Variants in RBFOX1 observed in about 807,000 individuals in gnomAD.
RBFOX1 encodes RNA binding fox-1 homolog 1, also known as RNA binding protein fox-1 homolog 1.
In RBFOX1, 8 loss-of-function variants were observed where a neutral mutation model predicts 57.7. The observed-to-expected ratio is 0.14, with a 90% CI of 0.08 to 0.25. The LOEUF is 0.25. Ranked by LOEUF, RBFOX1 falls within the 10% of genes least tolerant of loss-of-function variation. The pLI is 1.00. For synonymous variants in RBFOX1, 326 were observed against 222.4 expected (o/e 1.47, Z -4.15); for missense variants, 611 against 548.5 (o/e 1.11, Z -1.14).
chr16:5,569,438 C>CTT (rs796279138), intron 2 of RBFOX1, among the ~76,000 whole-genome samples: 597 of 49,172 alleles, frequency 0.012, 71 homozygotes, highest in Middle Eastern at 0.056. Flanking sequence ...AAGAAGTAAC[C>CTT]TTTTTTTTTT....
At chr16:5,859,201 T>C (rs2057148931) in intron 3 of RBFOX1, among the ~76,000 whole-genome samples, 1 of 152,020 alleles carries the variant, frequency 6.6e-6, no homozygotes, top group African/African-American at 2.4e-5. Context: ...CGAGACTCTG[T>C]CTCACAAACA....
rs1193215857 is a variant in RBFOX1 at position 5,454,919 on chromosome 16, GTTTCTTTC to G, written c.220-12294_220-12287del. On this transcript the variant is annotated intron_variant, in intron 1 of 2. Coordinates refer to the RBFOX1 transcript ENST00000585867. ...CTTTCTTTCTTTCTTTCTTTCCTTT[GTTTCTTTC>G]TTCCTTCCTTCCTTCCTTCCTTCCT... Among the ~76,000 whole-genome samples the G allele has an allele frequency of 5.1e-3, 187 of 36,570 alleles. 2 individuals are homozygous for G. The highest frequency in any genetic ancestry group is 8.4e-3 in the Non-Finnish European group (145 of 17,364). 24.0% of individuals were successfully genotyped at this position (36,570 alleles called of 152,430 possible).
intron 4 of RBFOX1, among the ~76,000 whole-genome samples, chr16:5,941,119 C>G (rs943188537): frequency 1.3e-5 from 2 of 151,958 alleles, no homozygotes; most frequent in Non-Finnish European, 2.9e-5. Flanking sequence ...AGTTTAATAG[C>G]TTAAATTAAC....
intron 3 of RBFOX1, among the ~76,000 whole-genome samples, chr16:6,799,576 G>A (rs940704817): frequency 1.3e-5 from 2 of 152,088 alleles, no homozygotes; most frequent in African/African-American, 2.4e-5. Context: ...ATAAACACCT[G>A]AGGGAGCGGC....
intron 4 of RBFOX1, among the ~76,000 whole-genome samples, chr16:7,168,900 C>G (rs778815642): frequency 1.3e-5 from 2 of 151,836 alleles, no homozygotes; most frequent in South Asian, 2.1e-4. Flanking sequence ...TGTCTTAACT[C>G]CATTTCTTAA....
intron 12 of RBFOX1, among the ~76,000 whole-genome samples, chr16:7,659,779 C>T (rs1568330049): frequency 6.6e-6 from 1 of 152,094 alleles, no homozygotes; most frequent in Admixed American, 6.6e-5. Flanking sequence ...TCCAAACAGC[C>T]TCTGAATAGC....
chr16:5,516,380 C>A (rs752061382), intron 2 of RBFOX1, among the ~76,000 whole-genome samples: 5 of 152,138 alleles, frequency 3.3e-5, no homozygotes, highest in Non-Finnish European at 7.4e-5. Context: ...TCCTGTCTCA[C>A]ATTATTTCTT....
At chr16:7,171,716 G>A (rs879742385) in intron 4 of RBFOX1, among the ~76,000 whole-genome samples, 2 of 152,162 alleles carry the variant, frequency 1.3e-5, no homozygotes, top group Non-Finnish European at 1.5e-5. Context: ...TGTGTTTTCT[G>A]AACAGCTAAG....
At chr16:6,708,307 C>A (rs1195304005) in intron 3 of RBFOX1, among the ~76,000 whole-genome samples, 1 of 96,276 alleles carries the variant, frequency 1.0e-5, no homozygotes. Context: ...CACACACACT[C>A]ACACTCATTC....
At chr16:7,292,839 G>T (rs565601456) in intron 4 of RBFOX1, among the ~76,000 whole-genome samples, 1 of 152,198 alleles carries the variant, frequency 6.6e-6, no homozygotes, top group African/African-American at 2.4e-5. Context: ...GAGCGTACAG[G>T]TTTGGTTTGG....
At chr16:6,286,752 A>G (rs2076945779) in intron 1 of RBFOX1, among the ~76,000 whole-genome samples, 1 of 152,184 alleles carries the variant, frequency 6.6e-6, no homozygotes, top group Non-Finnish European at 1.5e-5. Context: ...TGGGTAGCAG[A>G]TTCATTCAGC....
At chr16:5,992,816 C>T (rs1036124729) in intron 4 of RBFOX1, among the ~76,000 whole-genome samples, 1 of 152,144 alleles carries the variant, frequency 6.6e-6, no homozygotes, top group Non-Finnish European at 1.5e-5. Context: ...TGCCTGTAAT[C>T]CCAGCTATTC....
At chr16:5,863,348 C>A (rs2057271754) in intron 3 of RBFOX1, among the ~76,000 whole-genome samples, 1 of 152,184 alleles carries the variant, frequency 6.6e-6, no homozygotes, top group Non-Finnish European at 1.5e-5. Context: ...ACAGAATGGC[C>A]CGCCTCAAAC....
rs754351197 is a variant in RBFOX1 at position 7,011,927 on chromosome 16, A to T, written c.-15-40130A>T. On this transcript the variant is annotated intron_variant, in intron 3 of 15. Transcript: ENST00000550418. The stretch of plus-strand genomic sequence containing the variant: ...TGCTCTTCCACCCCATCTTCTGCAC[A>T]TTTCTCTCTGGAAATACGCCCTTCA... 5.3e-5 allele frequency among the ~76,000 whole-genome samples: 8 copies of T among 152,262 alleles called. No individual in the cohort carries two copies. The South Asian group carries it at 6.2e-4, about 12-fold the overall frequency.
At chr16:6,567,759 A>G (rs2097287772) in intron 2 of RBFOX1, among the ~76,000 whole-genome samples, 1 of 152,170 alleles carries the variant, frequency 6.6e-6, no homozygotes, top group Admixed American at 6.5e-5. Flanking sequence ...GAGTTGGTCC[A>G]TACAAAGCAA....
chr16:5,639,693 A>G (rs967122436), intron 3 of RBFOX1, among the ~76,000 whole-genome samples: 89 of 152,200 alleles, frequency 5.8e-4, no homozygotes, highest in African/African-American at 1.9e-3. Flanking sequence ...CATGCCTACC[A>G]GGCTGTAGGT....
At chr16:5,581,730 G>A (rs967910723) in intron 2 of RBFOX1, among the ~76,000 whole-genome samples, 1 of 152,190 alleles carries the variant, frequency 6.6e-6, no homozygotes, top group East Asian at 1.9e-4. Flanking sequence ...GGGTCAAAAA[G>A]AAACACTGTA....
chr16:6,214,233 T>C (rs1394128451), intron 1 of RBFOX1, among the ~76,000 whole-genome samples: 2 of 152,182 alleles, frequency 1.3e-5, no homozygotes, highest in Non-Finnish European at 2.9e-5. Context: ...CAGCCCTACA[T>C]TGATGTCTTG....
intron 3 of RBFOX1, among the ~76,000 whole-genome samples, chr16:6,788,747 T>C (rs1182616616): frequency 6.6e-6 from 1 of 152,020 alleles, no homozygotes; most frequent in Non-Finnish European, 1.5e-5. Context: ...AGTGCTGGGA[T>C]TACAGGTGTG....
Sources: gnomAD v4.1 joint callset for allele counts (sites outside exome capture counted in the v4.1 genomes callset) on GRCh38, gnomAD v4.1.1 for gene constraint, MANE v1.5 for transcripts, NCBI Gene and HGNC (gene_info 2026-07-23, HGNC 2026-07-21) for gene names.